The following ADCY2 variants were observed in gnomAD, a reference collection of about 807,000 sequenced individuals.
ADCY2 encodes the protein adenylate cyclase type 2.
In ADCY2, 31 loss-of-function variants were observed where a neutral mutation model predicts 125.2. That is an observed-to-expected ratio of 0.25 (90% CI 0.19 to 0.33). The LOEUF is 0.33. ADCY2 is among the 10% of genes least tolerant of loss of function. The pLI is 1.00. For synonymous variants in ADCY2, 512 were observed against 548.4 expected, an observed-to-expected ratio of 0.93 and a Z score of 0.93; for missense variants, 904 against 1,418.2, an observed-to-expected ratio of 0.64 and a Z score of 5.82.
chr5:7,505,122 A>G (rs1743760350), intron 2 of ADCY2, among the ~76,000 whole-genome samples: 1 of 151,560 alleles, frequency 6.6e-6, no homozygotes, highest in Non-Finnish European at 1.5e-5. Flanking sequence ...GGGCTCAAGC[A>G]ATTCTTCTAC....
chr5:7,532,120 A>T (rs1309629637), intron 3 of ADCY2, among the ~76,000 whole-genome samples: 1 of 152,248 alleles, frequency 6.6e-6, no homozygotes, highest in East Asian at 1.9e-4. Flanking sequence ...GAAGAAACAT[A>T]TGGGAATTTC....
chr5:7,503,683 A>G (rs962227395), intron 2 of ADCY2, among the ~76,000 whole-genome samples: 1 of 152,178 alleles, frequency 6.6e-6, no homozygotes, highest in Non-Finnish European at 1.5e-5. Context: ...GTCGATGACT[A>G]TTAACATAGA....
intron 15 of ADCY2, among the ~76,000 whole-genome samples, chr5:7,750,796 G>A (rs1742788357): frequency 6.6e-6 from 1 of 151,632 alleles, no homozygotes; most frequent in African/African-American, 2.4e-5. Flanking sequence ...TTGTATCATG[G>A]GCAGTAGATT....
At chr5:7,625,356 AC>A (rs1292217631) in intron 3 of ADCY2, among the ~76,000 whole-genome samples, 1 of 152,252 alleles carries the variant, frequency 6.6e-6, no homozygotes, top group African/African-American at 2.4e-5. Context: ...GCTTCTTGGA[AC>A]AAGATAGAGG....
intron 18 of ADCY2, among the ~76,000 whole-genome samples, chr5:7,776,109 A>G (rs1387832815): frequency 2.7e-5 from 4 of 150,690 alleles, no homozygotes; most frequent in Non-Finnish European, 5.9e-5. Flanking sequence ...GCTTTTCCCC[A>G]TCAAATAATT....
chr5:7,752,569 C>G (rs181663138), intron 15 of ADCY2, among the ~76,000 whole-genome samples: 1 of 151,456 alleles, frequency 6.6e-6, no homozygotes, highest in Admixed American at 6.6e-5. Context: ...ACTAATGAAA[C>G]TGTAAATGAA....
intron 14 of ADCY2, among the ~76,000 whole-genome samples, chr5:7,736,396 A>T (rs1742254349): frequency 6.6e-6 from 1 of 152,176 alleles, no homozygotes; most frequent in Admixed American, 6.5e-5. Context: ...GTGTCACAAC[A>T]TACTCTTAAG....
intron 2 of ADCY2, among the ~76,000 whole-genome samples, chr5:7,429,430 A>G (rs1314008680): frequency 6.6e-6 from 1 of 152,240 alleles, no homozygotes; most frequent in Non-Finnish European, 1.5e-5. Context: ...ATTCATCTTT[A>G]TAGAACACGT....
chr5:7,495,674 A>G (rs1743323222), intron 2 of ADCY2, among the ~76,000 whole-genome samples: 1 of 152,218 alleles, frequency 6.6e-6, no homozygotes, highest in Non-Finnish European at 1.5e-5. Flanking sequence ...AGTTGGTCTC[A>G]TTACAAGTAA....
intron 2 of ADCY2, among the ~76,000 whole-genome samples, chr5:7,419,882 A>G (rs572623385): frequency 1.9e-4 from 29 of 152,320 alleles, no homozygotes; most frequent in African/African-American, 6.5e-4. Context: ...TGCTTCCCTT[A>G]CATGACTTCA....
chr5:7,435,137 C>G (rs1377069941), intron 2 of ADCY2, among the ~76,000 whole-genome samples: 1 of 152,204 alleles, frequency 6.6e-6, no homozygotes, highest in Non-Finnish European at 1.5e-5. Context: ...CACTGTCACA[C>G]TATGTGGTCG....
At position 7,414,586 on chromosome 5, in the gene ADCY2, A is replaced by C; in HGVS notation, c.224A>C (p.His75Pro). The part of the protein sequence containing the change: ...FFALGLEVED[H>P]VAFLITVPTA... ...TTATCTCCTCAGGAAGTTGAAGACCATGTGGCGTTTCTAATAACAGTTCCA... is the reference window on the plus strand; with the variant it reads ...TTATCTCCTCAGGAAGTTGAAGACCCTGTGGCGTTTCTAATAACAGTTCCA... Residue 75 changes from histidine to proline, a missense_variant, in exon 2 of 25, where the codon CAT becomes CCT. His to Pro is a moderately conservative substitution (Grantham distance 77). Transcript: ENST00000338316. 1 of 1,611,726 alleles carries C rather than the reference A, an allele frequency of 6.2e-7. No individual in the cohort carries two copies. Among genetic ancestry groups the C allele is most frequent in the Non-Finnish European group, 8.5e-7 (1 of 1,179,264 alleles).
rs534927531 is a variant in ADCY2 at position 7,804,470 on chromosome 5, G to T, written c.2776-115G>T. On this transcript the variant is annotated intron_variant, in intron 21 of 24. Coordinates refer to ENST00000338316, the MANE Select transcript of ADCY2 (RefSeq NM_020546.3). Reference sequence around the variant, plus strand: ...CAGGGCCCAAGGGTGCATACGCAGTGGTTGAAACAAGTCACGGCATTACTG... The same window carrying T: ...CAGGGCCCAAGGGTGCATACGCAGTTGTTGAAACAAGTCACGGCATTACTG... 5.9e-4 allele frequency: 482 copies of T among 812,120 alleles called. 6 individuals carry two copies. The highest frequency in any genetic ancestry group is 4.7e-3 in the South Asian group (328 of 69,180). 50.3% of individuals were successfully genotyped at this position (812,120 alleles called of 1,614,324 possible). A position where few individuals can be genotyped will look rare whatever the true frequency, so the allele number is the denominator to read the frequency against.
chr5:7,601,968 G>A (rs1326128674), intron 3 of ADCY2, among the ~76,000 whole-genome samples: 3 of 152,174 alleles, frequency 2.0e-5, no homozygotes, highest in Non-Finnish European at 2.9e-5. Context: ...TCTACGGGAG[G>A]ATCTTCCCTT....
chr5:7,612,241 A>G (rs1292282612), intron 3 of ADCY2, among the ~76,000 whole-genome samples: 1 of 152,246 alleles, frequency 6.6e-6, no homozygotes, highest in African/African-American at 2.4e-5. Flanking sequence ...ATCATGCACT[A>G]TAAATAGGAA....
At chr5:7,415,194 G>C (rs1472214865) in intron 2 of ADCY2, among the ~76,000 whole-genome samples, 1 of 152,080 alleles carries the variant, frequency 6.6e-6, no homozygotes, top group Admixed American at 6.5e-5. Flanking sequence ...TATTAACTAT[G>C]GTCAGCATGT....
At chr5:7,493,425 T>C (rs141948682) in intron 2 of ADCY2, among the ~76,000 whole-genome samples, 12 of 152,162 alleles carry the variant, frequency 7.9e-5, no homozygotes, top group African/African-American at 2.9e-4. Flanking sequence ...GGGTATCGGG[T>C]GCCTTTATAT....
intron 2 of ADCY2, among the ~76,000 whole-genome samples, chr5:7,451,646 G>C (rs1741473720): frequency 6.6e-6 from 1 of 152,208 alleles, no homozygotes; most frequent in Admixed American, 6.5e-5. Context: ...GGAAGTTCTA[G>C]TGTGGGTAAA....
At chr5:7,757,951 G>A (rs1407221635) in intron 16 of ADCY2, among the ~76,000 whole-genome samples, 1 of 152,124 alleles carries the variant, frequency 6.6e-6, no homozygotes, top group South Asian at 2.1e-4. Flanking sequence ...CTTGCTCATG[G>A]TGGCCCCTCA....
Sources: gnomAD v4.1 joint callset for allele counts (sites outside exome capture counted in the v4.1 genomes callset) on GRCh38, gnomAD v4.1.1 for gene constraint, MANE v1.5 for transcripts, NCBI Gene and HGNC (gene_info 2026-07-23, HGNC 2026-07-21) for gene names.